Variants in CCDC191 observed in about 807,000 individuals in gnomAD.
CCDC191 encodes coiled-coil domain-containing protein 191.
A neutral mutation model predicts 114.0 loss-of-function variants in CCDC191; 99 were observed. That is an observed-to-expected ratio of 0.87 (90% CI 0.74 to 1.03). The LOEUF (loss-of-function observed/expected upper bound fraction) is 1.03, where lower values mean the gene tolerates loss of function less well. Ranked by LOEUF, CCDC191 falls within the 50% of genes least tolerant of loss-of-function variation. The probability of loss-of-function intolerance (pLI) is 0.00; values close to 1 mark genes in which losing one functional copy is unlikely to be tolerated. For missense variants in CCDC191, 973 were observed against 1,087.0 expected (o/e 0.90, Z 1.47); for synonymous variants, 351 against 376.0 (o/e 0.93, Z 0.77).
Position 114,056,488 on chromosome 3 carries a change from C to T in CCDC191, c.-22G>A, listed in dbSNP as rs774094383. On this transcript the variant is annotated 5_prime_UTR_variant, in exon 1 of 17. Transcript: ENST00000295878. ...GCATTTTCCAAGTTCGAGCCCGAAC[C>T]TCGGCCAAAGCTGCAGCAACCGCCC... The T allele has an allele frequency of 3.7e-6, 6 of 1,614,054 alleles. No homozygotes were observed. Among genetic ancestry groups the T allele is most frequent in the Admixed American group, 3.3e-5 (2 of 60,018 alleles).
intron 13 of CCDC191, chr3:113,984,002 T>C (rs2075267039): frequency 6.6e-6 from 1 of 152,210 alleles, no homozygotes. Context: ...GGCAGGGTCA[T>C]GGGGACACTA....
chr3:114,031,526 A>G, intron 7 of CCDC191, 100 bp downstream of exon 7: 2 of 989,738 alleles, frequency 2.0e-6, no homozygotes, highest in Non-Finnish European at 3.1e-6. Flanking sequence ...ATTTGTGATG[A>G]GGTTCAACTG....
intron 8 of CCDC191, among the ~76,000 whole-genome samples, chr3:114,018,175 G>A (rs1387172803): frequency 6.6e-6 from 1 of 152,162 alleles, no homozygotes; most frequent in Non-Finnish European, 1.5e-5. Context: ...TGCAGACAGT[G>A]ATTTCTATGA....
chr3:114,031,517 T>C lies in CCDC191; in HGVS notation c.972+109A>G. The C allele has an allele frequency of 5.4e-6, 5 of 925,428 alleles. No homozygotes were observed. In the Admixed American group the frequency reaches 1.1e-4, roughly 20 times the overall value. 57.3% of individuals were successfully genotyped at this position (925,428 alleles called of 1,614,324 possible). A position where few individuals can be genotyped will look rare whatever the true frequency, so the allele number is the denominator to read the frequency against. On this transcript the variant is annotated intron_variant, in intron 7 of 16. Coordinates refer to ENST00000295878, the MANE Select transcript of CCDC191 (RefSeq NM_020817.2). Reference sequence around the variant, plus strand: ...ACAAATGGCGTGGGCAGTTTTGGTATTTGTGATGAGGTTCAACTGGACTTA... The same window carrying C: ...ACAAATGGCGTGGGCAGTTTTGGTACTTGTGATGAGGTTCAACTGGACTTA...
intron 6 of CCDC191, among the ~76,000 whole-genome samples, chr3:114,033,176 C>T (rs931115013): frequency 6.6e-6 from 1 of 151,756 alleles, no homozygotes; most frequent in Non-Finnish European, 1.5e-5. Flanking sequence ...CGGCTCACTG[C>T]AACCTCTGCC....
intron 13 of CCDC191, among the ~76,000 whole-genome samples, chr3:113,987,895 A>G (rs2075417704): frequency 1.3e-5 from 2 of 151,348 alleles, no homozygotes; most frequent in Admixed American, 6.6e-5. Flanking sequence ...TACAAAAATT[A>G]GCCGGGCGTG....
At chr3:113,973,074 T>TA (rs1435194862) in intron 16 of CCDC191, among the ~76,000 whole-genome samples, 1 of 152,180 alleles carries the variant, frequency 6.6e-6, no homozygotes, top group African/African-American at 2.4e-5. Flanking sequence ...AGTAAGGACT[T>TA]ACTATGGCAA....
At chr3:114,003,378 AC>A (rs2075890166) in intron 11 of CCDC191, 3 of 985,252 alleles carry the variant, frequency 3.0e-6, no homozygotes, top group Non-Finnish European at 3.6e-6. Context: ...CAAAAAACTC[AC>A]CAGGCTATTT....
In CCDC191 at chr3:114,046,599, T is replaced by C. The variant is rs746202519; in HGVS notation, c.263A>G (p.Tyr88Cys). 7.0e-6 allele frequency: 11 copies of C among 1,581,198 alleles called. No homozygotes were observed. In the East Asian group the frequency reaches 2.2e-4, roughly 32 times the overall value. The change falls in exon 3 of 17, where the codon TAT (tyrosine) becomes TGT (cysteine). Residue 88 changes from tyrosine (Y) to cysteine (C), a missense_variant. Transcript: ENST00000295878. ...SEQIEDHDEI[Y>C]AEAQELVNDW... Reference sequence around the variant, plus strand: ...AAAATGCATTCTCTTACCTTCTGCATAGATTTCATCATGATCCTCTATTTG... The same window carrying C: ...AAAATGCATTCTCTTACCTTCTGCACAGATTTCATCATGATCCTCTATTTG...
intron 9 of CCDC191, among the ~76,000 whole-genome samples, chr3:114,010,317 T>C (rs1235353046): frequency 6.6e-6 from 1 of 152,214 alleles, no homozygotes; most frequent in South Asian, 2.1e-4. Context: ...TATCTATAGA[T>C]GACAGAATTA....
intron 14 of CCDC191, among the ~76,000 whole-genome samples, chr3:113,979,654 A>C (rs2075069387): frequency 6.6e-6 from 1 of 152,210 alleles, no homozygotes; most frequent in Admixed American, 6.5e-5. Flanking sequence ...CTCTCTAAAC[A>C]GCGACACATT....
At chr3:113,965,424 A>G (rs1940022950) in intron 16 of CCDC191, 65 bp from the exon 17 acceptor site, 5 of 848,708 alleles carry the variant, frequency 5.9e-6, no homozygotes, top group Non-Finnish European at 9.2e-6. Flanking sequence ...TCTATAGCAC[A>G]TTAAGAACTT....
intron 2 of CCDC191, among the ~76,000 whole-genome samples, chr3:114,048,070 A>G (rs1246425789): frequency 6.6e-6 from 1 of 152,174 alleles, no homozygotes; most frequent in East Asian, 1.9e-4. Flanking sequence ...TGTTTCTTCC[A>G]ACTCAGATAG....
In CCDC191 at chr3:113,978,302, TCTTA is replaced by T; in HGVS notation, c.2486_2489del (p.Val829GlufsTer23). On this transcript the variant is annotated frameshift_variant, in exon 16 of 17. Coordinates refer to ENST00000295878, the MANE Select transcript of CCDC191 (RefSeq NM_020817.2). LOFTEE classifies it high-confidence loss of function. ...TTTGAAGAAAATGTACACAAAATTTTCTTACTTCTTCCTGCAGATCAATCACGTA... is the reference window on the plus strand; with the variant it reads ...TTTGAAGAAAATGTACACAAAATTTTCTTCTTCCTGCAGATCAATCACGTA... The T allele has an allele frequency of 1.2e-6, 2 of 1,613,960 alleles. No individual in the cohort carries two copies. The highest frequency in any genetic ancestry group is 1.7e-6 in the Non-Finnish European group (2 of 1,179,940).
In CCDC191 at chr3:114,018,676, A is replaced by G; in HGVS notation, c.1163+2T>C. 1 of 1,605,652 alleles carries G rather than the reference A, an allele frequency of 6.2e-7. No homozygotes were observed. Among genetic ancestry groups the G allele is most frequent in the Non-Finnish European group, 8.5e-7 (1 of 1,175,230 alleles). On this transcript the variant is annotated splice_donor_variant, in intron 8 of 16. Coordinates refer to ENST00000295878, the MANE Select transcript of CCDC191 (RefSeq NM_020817.2). LOFTEE classifies it high-confidence loss of function. ...AGATTTTCACAATACAAATAATGAT[A>G]CCTGTTTTCTTCCCTAAGATCATTT... is the stretch of plus-strand genomic sequence containing the variant.
At chr3:114,002,919 A>G in intron 11 of CCDC191, 4 of 982,496 alleles carry the variant, frequency 4.1e-6, no homozygotes, top group Non-Finnish European at 4.8e-6. Flanking sequence ...TCTAACAAGT[A>G]CTTTGAGAGT....
chr3:114,003,863 A>G, intron 11 of CCDC191: 1 of 985,474 alleles, frequency 1.0e-6, no homozygotes, highest in Non-Finnish European at 1.2e-6. Context: ...CAAAGTGCCA[A>G]CCACCACATG....
At chr3:113,981,642 C>T (rs148460848) in intron 13 of CCDC191, among the ~76,000 whole-genome samples, 14 of 152,088 alleles carry the variant, frequency 9.2e-5, no homozygotes, top group Admixed American at 5.2e-4. Flanking sequence ...TTACTTCATA[C>T]GATTTCACAT....
At chr3:114,050,299 C>G (rs1163661490) in intron 2 of CCDC191, among the ~76,000 whole-genome samples, 1 of 152,240 alleles carries the variant, frequency 6.6e-6, no homozygotes, top group Non-Finnish European at 1.5e-5. Context: ...TTCATTTCCT[C>G]AAAACCAGTG....
Sources: allele counts gnomAD v4.1 joint callset (sites outside exome capture counted in the v4.1 genomes callset), GRCh38; gene constraint gnomAD v4.1.1; transcripts MANE v1.5; gene names NCBI Gene and HGNC (gene_info 2026-07-23, HGNC 2026-07-21).